Variants in ALG12 observed in about 807,000 individuals in gnomAD.
ALG12 encodes ALG12 alpha-1,6-mannosyltransferase, also known as dol-P-Man:Man(7)GlcNAc(2)-PP-Dol alpha-1,6-mannosyltransferase.
ALG12 carries 36 observed loss-of-function variants against 46.0 expected under a neutral mutation model. The observed-to-expected ratio is 0.78, with a 90% CI of 0.60 to 1.03. The LOEUF (loss-of-function observed/expected upper bound fraction) is 1.03. Among genes scored for constraint, ALG12 ranks in the 50% least tolerant of loss-of-function variants. ALG12 has a pLI of 0.00. For synonymous variants in ALG12, 326 were observed against 291.6 expected, an observed-to-expected ratio of 1.12 and a Z score of -1.20; for missense variants, 599 against 633.5, an observed-to-expected ratio of 0.95 and a Z score of 0.58.
At chr22:49,909,847 A>G (rs375346006) in intron 5 of ALG12, 47 bp downstream of exon 5, 262 of 1,611,736 alleles carry the variant, frequency 1.6e-4, no homozygotes, top group Admixed American at 4.3e-4. Flanking sequence ...TTGTAAAACA[A>G]GGCAAAACAA....
the ALG12 span, among the ~76,000 whole-genome samples, chr22:49,878,723 C>T: frequency 6.6e-6 from 1 of 152,104 alleles, no homozygotes; most frequent in African/African-American, 2.4e-5. Context: ...AAAGTAAAAA[C>T]TTATGCTCTT....
Position 49,901,863 on chromosome 22 carries a change from G to A in ALG12, c.*1975C>T, listed in dbSNP as rs1569171411. 1 of 129,492 alleles carries A rather than the reference G, an allele frequency of 7.7e-6. No individual in the cohort carries two copies. The highest frequency in any genetic ancestry group is 1.6e-5 in the Non-Finnish European group (1 of 62,206). 8.0% of individuals were successfully genotyped at this position (129,492 alleles called of 1,614,324 possible). A position where few individuals can be genotyped will look rare whatever the true frequency, so the allele number is the denominator to read the frequency against. ...GTGTGTGCACGTGTGCACTGTGTGT[G>A]GTGTGTATTCATGGTGTGTGCACGT... On this transcript the variant is annotated 3_prime_UTR_variant, in exon 10 of 10. Transcript: ENST00000330817.
chr22:49,900,595 A>C lies in ALG12; in HGVS notation c.*3243T>G, dbSNP rs758262062. The C allele has an allele frequency of 4.6e-5, 7 of 152,204 alleles. No homozygotes were observed. The highest frequency in any genetic ancestry group is 8.8e-5 in the Non-Finnish European group (6 of 68,060). The allele number at this position is 152,204 out of a possible 1,614,324, so 9.4% of individuals were successfully genotyped here. A position where few individuals can be genotyped will look rare whatever the true frequency, so the allele number is the denominator to read the frequency against. ...AACTGCACACAATCCCGACCTCTTC[A>C]TGGTGGGTTTGTTTTTGCAATCCTG... On this transcript the variant is annotated 3_prime_UTR_variant, in exon 10 of 10. Transcript: ENST00000330817.
At chr22:49,885,170 G>A in the ALG12 span, 20 of 1,613,360 alleles carry the variant, frequency 1.2e-5, no homozygotes, top group Middle Eastern at 1.6e-4. Flanking sequence ...CATCTCTACC[G>A]GCGCCATCCA....
chr22:49,875,534 C>T, the ALG12 span, among the ~76,000 whole-genome samples: 1 of 151,926 alleles, frequency 6.6e-6, no homozygotes, highest in Non-Finnish European at 1.5e-5. Context: ...GATTCTCCTG[C>T]CTCAGCCTCT....
Position 49,901,412 on chromosome 22 carries a change from C to CA in ALG12, c.*2425dup, listed in dbSNP as rs1307644531. ...CACCTGGGCAACAGCCACAAGCTCTCAAAGAGCACAGGAAGAAATCATGTC... is the reference window on the plus strand; with the variant it reads ...CACCTGGGCAACAGCCACAAGCTCTCAAAAGAGCACAGGAAGAAATCATGTC... On this transcript the variant is annotated 3_prime_UTR_variant, in exon 10 of 10. Coordinates refer to ENST00000330817, the MANE Select transcript of ALG12 (RefSeq NM_024105.4). 9 of 152,416 alleles carry CA rather than the reference C, an allele frequency of 5.9e-5. No individual in the cohort carries two copies. Among genetic ancestry groups the CA allele is most frequent in the African/African-American group, 1.9e-4 (8 of 41,570 alleles). The allele number at this position is 152,416 out of a possible 1,614,324, so 9.4% of individuals were successfully genotyped here.
At chr22:49,876,128 T>A in the ALG12 span, among the ~76,000 whole-genome samples, 8 of 152,380 alleles carry the variant, frequency 5.3e-5, no homozygotes, top group South Asian at 1.7e-3. Flanking sequence ...TTTTATTCAG[T>A]TCCTTTGTCA....
At position 49,903,998 on chromosome 22, in the gene ALG12, G is replaced by A. The variant is rs747421881; in HGVS notation, c.1307C>T (p.Ala436Val). 4 of 1,614,038 alleles carry A rather than the reference G, an allele frequency of 2.5e-6. No individual in the cohort carries two copies. The highest frequency in any genetic ancestry group is 4.5e-5 in the East Asian group (2 of 44,894). The stretch of plus-strand genomic sequence containing the variant: ...GTAGAGGGCCAGGAGCCCAGGGGCC[G>A]CCTCCATGAGGATGTGTGTGTATGC... The part of the protein sequence containing the change: ...MLAYTHILME[A>V]APGLLALYRD... Residue 436 changes from alanine to valine, a missense_variant, in exon 10 of 10, where the codon GCG (alanine) becomes GTG (valine). Transcript: ENST00000330817.
the ALG12 span, among the ~76,000 whole-genome samples, chr22:49,872,803 C>A: frequency 2.4e-3 from 370 of 151,900 alleles, 1 homozygote; most frequent in Non-Finnish European, 4.6e-3. Context: ...CTCCCAGGTT[C>A]AAGCGAATTC....
chr22:49,887,450 GTT>G, the ALG12 span: 2 of 318,342 alleles, frequency 6.3e-6, no homozygotes, highest in Non-Finnish European at 6.1e-6. Context: ...TAACCGTAAA[GTT>G]TTTTAAAGTT....
the ALG12 span, chr22:49,884,761 G>C: frequency 6.3e-7 from 1 of 1,597,640 alleles, no homozygotes; most frequent in Admixed American, 1.7e-5. Context: ...GCCGCCGGAG[G>C]GGGAGCTCAG....
the ALG12 span, chr22:49,886,275 C>A: frequency 2.2e-6 from 3 of 1,370,832 alleles, no homozygotes; most frequent in East Asian, 2.3e-5. The surrounding 1 kb of genome is among the most constrained non-coding windows in gnomAD (Gnocchi z 7.7). Flanking sequence ...AGAAACTGGC[C>A]GAGCTGCAGA....
chr22:49,877,610 T>G, the ALG12 span, among the ~76,000 whole-genome samples: 2 of 152,134 alleles, frequency 1.3e-5, no homozygotes, highest in Non-Finnish European at 2.9e-5. Context: ...CAGCTTTATT[T>G]GGGTATAATT....
At chr22:49,916,234 C>T (rs1378966692) in intron 1 of ALG12, among the ~76,000 whole-genome samples, 2 of 151,772 alleles carry the variant, frequency 1.3e-5, no homozygotes, top group Non-Finnish European at 2.9e-5. Flanking sequence ...GCCTGGGCGA[C>T]AGAGCAAGAC....
At chr22:49,892,384 G>A in the ALG12 span, among the ~76,000 whole-genome samples, 3 of 152,144 alleles carry the variant, frequency 2.0e-5, no homozygotes. Context: ...AGCTGGCGTG[G>A]TGTCACTGGG....
At chr22:49,878,831 C>G in the ALG12 span, among the ~76,000 whole-genome samples, 1 of 151,948 alleles carries the variant, frequency 6.6e-6, no homozygotes, top group African/African-American at 2.4e-5. Context: ...AACCTTGTCT[C>G]TACTAAAAAT....
the ALG12 span, among the ~76,000 whole-genome samples, chr22:49,894,845 G>A: frequency 6.6e-6 from 1 of 152,252 alleles, no homozygotes. Flanking sequence ...TTGAGCAAGG[G>A]TAGCAGTGGG....
the ALG12 span, among the ~76,000 whole-genome samples, chr22:49,859,441 C>G: frequency 6.6e-6 from 1 of 152,098 alleles, no homozygotes; most frequent in Non-Finnish European, 1.5e-5. Flanking sequence ...GCCCCTGTGT[C>G]CTTTTCACTC....
rs8135963 is a variant in ALG12 at position 49,907,828 on chromosome 22, T to C, written c.885A>G (p.Ala295=). 388,741 of 1,613,820 alleles carry C rather than the reference T, an allele frequency of 0.24. 59,745 individuals carry two copies. Among genetic ancestry groups the C allele is most frequent in the African/African-American group, 0.74 (55,461 of 74,954 alleles). ...GGGAGTAGAGTGCCATGAAGCCCAG[T>C]GCCAGCACCGTCGGCGCGTGCGTCC... ...DRRTHAPTVL[A]LGFMALYSLL... The change falls in exon 7 of 10, where the codon GCA becomes GCG. Residue 295 remains alanine (A), a synonymous_variant. Coordinates refer to ENST00000330817, the MANE Select transcript of ALG12 (RefSeq NM_024105.4).
Sources: gnomAD v4.1 joint callset for allele counts (sites outside exome capture counted in the v4.1 genomes callset) on GRCh38, gnomAD v4.1.1 for gene constraint, Gnocchi (gnomAD v3.1) non-coding constraint, MANE v1.5 for transcripts, NCBI Gene and HGNC (gene_info 2026-07-23, HGNC 2026-07-21) for gene names.